Variants in CWH43 observed in about 807,000 individuals in gnomAD.
CWH43 encodes cell wall biogenesis 43 C-terminal homolog.
Under a neutral mutation model 85.7 loss-of-function variants are expected in CWH43, and 91 were observed. The observed-to-expected ratio is 1.06, with a 90% CI of 0.90 to 1.26. CWH43 has a LOEUF of 1.26. CWH43 is among the 50% of genes most tolerant of loss of function. The pLI is 0.00. For missense variants in CWH43, 869 were observed against 839.2 expected, an observed-to-expected ratio of 1.04 and a Z score of -0.44; for synonymous variants, 323 against 293.6, an observed-to-expected ratio of 1.10 and a Z score of -1.02.
chr4:48,986,434 C>T lies in CWH43; in HGVS notation c.5C>T (p.Pro2Leu). MPSLWREILLES... is the reference protein window; with the variant it reads MLSLWREILLES... ...GCGCTGCCCCTCGCCGCGGCGATGC[C>T]CTCGCTGTGGAGAGAAATCCTCTTG... Residue 2 changes from proline to leucine, a missense_variant, in exon 1 of 16, where the codon CCC (proline) becomes CTC (leucine). Coordinates refer to ENST00000226432, the MANE Select transcript of CWH43 (RefSeq NM_025087.3). 1 of 1,548,166 alleles carries T rather than the reference C, an allele frequency of 6.5e-7. No individual in the cohort carries two copies. The highest frequency in any genetic ancestry group is 8.8e-7 in the Non-Finnish European group (1 of 1,142,752).
Position 49,039,332 on chromosome 4 carries a change from T to TATATATATATATATATATATATATAC in CWH43, c.1803+1153_1803+1154insTATATATATATATATATATATATACA, listed in dbSNP as rs1228183888. ...ATATATATATATATATATATATATATACTGATGTATATATATACTGATATA... is the reference window on the plus strand; with the variant it reads ...ATATATATATATATATATATATATATATATATATATATATATATATATATACACTGATGTATATATATACTGATATA... On this transcript the variant is annotated intron_variant, in intron 13 of 15. Coordinates refer to ENST00000226432, the MANE Select transcript of CWH43 (RefSeq NM_025087.3). Among the ~76,000 whole-genome samples, 47 of 48,498 alleles carry TATATATATATATATATATATATATAC rather than the reference T, an allele frequency of 9.7e-4. 3 individuals are homozygous for TATATATATATATATATATATATATAC. Among genetic ancestry groups the TATATATATATATATATATATATATAC allele is most frequent in the African/African-American group, 3.0e-3 (45 of 15,244 alleles). 31.8% of individuals were successfully genotyped at this position (48,498 alleles called of 152,430 possible).
intron 9 of CWH43, among the ~76,000 whole-genome samples, chr4:49,018,687 G>T (rs984893739): frequency 2.2e-4 from 34 of 152,160 alleles, no homozygotes; most frequent in African/African-American, 8.2e-4. Flanking sequence ...GTTTCATAAT[G>T]CAGTCAGAGT....
At chr4:48,990,478 T>C (rs1782625827) in intron 2 of CWH43, among the ~76,000 whole-genome samples, 1 of 152,130 alleles carries the variant, frequency 6.6e-6, no homozygotes, top group African/African-American at 2.4e-5. Flanking sequence ...CTTATATAAA[T>C]ACAGAGAGGA....
At chr4:49,023,655 G>C (rs923932126) in intron 9 of CWH43, among the ~76,000 whole-genome samples, 2 of 152,196 alleles carry the variant, frequency 1.3e-5, no homozygotes, top group African/African-American at 4.8e-5. Context: ...GGGATTACAG[G>C]CATGAGCCAC....
Position 49,050,355 on chromosome 4 carries a change from C to T in CWH43, c.1866-339C>T, listed in dbSNP as rs539136447. On this transcript the variant is annotated intron_variant, in intron 14 of 15. Transcript: ENST00000226432. ...TTAAAGGTAAGAAAGAAGGTGAACA[C>T]CCCTGTCATTCTGAAGAGTTCCTGT... Among the ~76,000 whole-genome samples the T allele has an allele frequency of 5.3e-5, 8 of 152,258 alleles. No homozygotes were observed. In the South Asian group the frequency reaches 1.7e-3, roughly 32 times the overall value.
intron 14 of CWH43, among the ~76,000 whole-genome samples, chr4:49,046,272 G>T (rs1405764563): frequency 6.6e-6 from 1 of 151,938 alleles, no homozygotes; most frequent in African/African-American, 2.4e-5. Context: ...TATCAATAAA[G>T]CAAGGAACAG....
chr4:49,040,210 G>A (rs1577700285), intron 13 of CWH43, among the ~76,000 whole-genome samples: 2 of 152,276 alleles, frequency 1.3e-5, no homozygotes, highest in East Asian at 3.9e-4. Flanking sequence ...AAACATACGT[G>A]TGCATGTGTC....
chr4:49,042,197 AG>A (rs1784484089), intron 13 of CWH43, among the ~76,000 whole-genome samples: 1 of 152,170 alleles, frequency 6.6e-6, no homozygotes, highest in African/African-American at 2.4e-5. Flanking sequence ...GATGAGTCAC[AG>A]GTGGCAAATT....
chr4:49,050,693 G>C lies in CWH43; in HGVS notation c.1866-1G>C. The C allele has an allele frequency of 6.2e-7, 1 of 1,608,820 alleles. No homozygotes were observed. Among genetic ancestry groups the C allele is most frequent in the Non-Finnish European group, 8.5e-7 (1 of 1,177,894 alleles). ...ACAAACCATTTCTGTTTCTGCTACAGGTTGGGTTATGCAAGAATCTCCCAT... is the reference window on the plus strand; with the variant it reads ...ACAAACCATTTCTGTTTCTGCTACACGTTGGGTTATGCAAGAATCTCCCAT... On this transcript the variant is annotated splice_acceptor_variant, in intron 14 of 15. Coordinates refer to ENST00000226432, the MANE Select transcript of CWH43 (RefSeq NM_025087.3). LOFTEE classifies it high-confidence loss of function.
intron 15 of CWH43, among the ~76,000 whole-genome samples, chr4:49,057,734 G>T (rs1329483432): frequency 6.6e-6 from 1 of 152,088 alleles, no homozygotes; most frequent in African/African-American, 2.4e-5. Context: ...TACTACTATT[G>T]TATTGCTGTC....
intron 10 of CWH43, among the ~76,000 whole-genome samples, 171 bp from the exon 11 acceptor site, chr4:49,030,654 C>A (rs1222488365): frequency 2.0e-5 from 3 of 152,082 alleles, no homozygotes; most frequent in Non-Finnish European, 4.4e-5. Flanking sequence ...GGGGAAATTC[C>A]TTTAGAGCTC....
At chr4:49,043,291 T>A (rs777952181) in intron 13 of CWH43, among the ~76,000 whole-genome samples, 1 of 152,194 alleles carries the variant, frequency 6.6e-6, no homozygotes, top group Admixed American at 6.6e-5. Context: ...AACGCGTAAG[T>A]ACATGGTCTA....
At chr4:49,009,824 G>A (rs775970274) in intron 8 of CWH43, among the ~76,000 whole-genome samples, 11 of 152,252 alleles carry the variant, frequency 7.2e-5, no homozygotes, top group African/African-American at 9.6e-5. Context: ...CAGGGATGAA[G>A]CTAACTTGAT....
intron 10 of CWH43, 116 bp downstream of exon 10, chr4:49,028,850 A>C: frequency 1.5e-6 from 1 of 676,732 alleles, no homozygotes; most frequent in East Asian, 2.9e-5. Flanking sequence ...TATGACCAGC[A>C]GATGATCATA....
In CWH43 at chr4:48,986,467, T is replaced by TGCTGGGTAAGCCGAAGCCCCTCGCC; in HGVS notation, c.41_43+22dup. ...TGGAGAGAAATCCTCTTGGAGTCGC[T>TGCTGGGTAAGCCGAAGCCCCTCGCC]GCTGGGTAAGCCGAAGCCCCTCGCC... On this transcript the variant is annotated frameshift_variant, in exon 1 of 16. Coordinates refer to ENST00000226432, the MANE Select transcript of CWH43 (RefSeq NM_025087.3). LOFTEE classifies it high-confidence loss of function. The TGCTGGGTAAGCCGAAGCCCCTCGCC allele has an allele frequency of 6.5e-7, 1 of 1,549,680 alleles. No homozygotes were observed.
In CWH43 at chr4:48,988,490, GTC is replaced by G. The variant is rs756848083; in HGVS notation, c.63_64del (p.Tyr22ProfsTer2). The G allele has an allele frequency of 6.4e-7, 1 of 1,564,070 alleles. No homozygotes were observed. Among genetic ancestry groups the G allele is most frequent in the South Asian group, 1.2e-5 (1 of 81,966 alleles). On this transcript the variant is annotated frameshift_variant, in exon 2 of 16. Coordinates refer to ENST00000226432, the MANE Select transcript of CWH43 (RefSeq NM_025087.3). LOFTEE classifies it high-confidence loss of function. ...TTTTTTTTGTAGGATGTGTTTCTTG[GTC>G]TCTCTACCATGACCTGGGACCGATG... ...LESLLGCVSW[S>X]LYHDLGPMIY...
chr4:49,018,588 A>G (rs756502657), intron 9 of CWH43, among the ~76,000 whole-genome samples: 1 of 152,184 alleles, frequency 6.6e-6, no homozygotes, highest in Non-Finnish European at 1.5e-5. Context: ...ATGTTTTAAT[A>G]TCCTTTTCTC....
chr4:49,057,043 A>T (rs569663661), intron 15 of CWH43, among the ~76,000 whole-genome samples: 1 of 152,294 alleles, frequency 6.6e-6, no homozygotes, highest in South Asian at 2.1e-4. Flanking sequence ...GAATTTGTTA[A>T]GGCTTGTTTT....
At chr4:48,994,955 G>T in intron 5 of CWH43, 135 bp downstream of exon 5, 1 of 782,368 alleles carries the variant, frequency 1.3e-6, no homozygotes, top group Non-Finnish European at 2.2e-6. Context: ...AATGTGGCAT[G>T]AAATTATTGT....
Sources: gnomAD v4.1 joint callset for allele counts (sites outside exome capture counted in the v4.1 genomes callset) on GRCh38, gnomAD v4.1.1 for gene constraint, MANE v1.5 for transcripts, NCBI Gene and HGNC (gene_info 2026-07-23, HGNC 2026-07-21) for gene names.